Variants in FMNL2 observed in about 807,000 individuals in gnomAD.
The protein encoded by FMNL2 is formin like 2.
FMNL2 carries 51 observed loss-of-function variants against 130.2 expected under a neutral mutation model. That is an observed-to-expected ratio of 0.39 (90% CI 0.31 to 0.49). The LOEUF is 0.49. Ranked by LOEUF, FMNL2 falls within the 20% of genes least tolerant of loss-of-function variation. FMNL2 has a pLI of 0.85. For synonymous variants in FMNL2, 465 were observed against 467.1 expected (o/e 1.00, Z 0.06); for missense variants, 977 against 1,316.2 (o/e 0.74, Z 3.99).
At chr2:152,516,120 A>T (rs1226031611) in intron 1 of FMNL2, among the ~76,000 whole-genome samples, 2 of 152,050 alleles carry the variant, frequency 1.3e-5, no homozygotes, top group African/African-American at 4.8e-5. Context: ...CCTTTTTTGT[A>T]GCGACAAGTA....
intron 1 of FMNL2, among the ~76,000 whole-genome samples, chr2:152,479,906 G>A (rs1203454600): frequency 2.6e-5 from 4 of 151,932 alleles, no homozygotes; most frequent in African/African-American, 9.7e-5. Flanking sequence ...GGTAGAGATG[G>A]GGTTTTTTGG....
intron 1 of FMNL2, among the ~76,000 whole-genome samples, chr2:152,499,117 C>G (rs759253822): frequency 9.2e-5 from 14 of 152,154 alleles, no homozygotes; most frequent in Non-Finnish European, 1.9e-4. Flanking sequence ...GGAGCTTGGT[C>G]AGCTATGTTT....
intron 4 of FMNL2, among the ~76,000 whole-genome samples, chr2:152,556,315 G>A (rs2105570267): frequency 6.6e-6 from 1 of 152,274 alleles, no homozygotes; most frequent in South Asian, 2.1e-4. Flanking sequence ...TCAAATCCCA[G>A]GGAGGATCTT....
chr2:152,389,872 G>C (rs555799126), intron 1 of FMNL2: 2 of 1,023,708 alleles, frequency 2.0e-6, no homozygotes, highest in East Asian at 2.5e-5. Context: ...CAATCAGCTG[G>C]CACAGAAGGC....
At chr2:152,643,671 T>G in intron 25 of FMNL2, 3 of 1,438,776 alleles carry the variant, frequency 2.1e-6, no homozygotes, top group Non-Finnish European at 2.7e-6. Context: ...TGCATGGTTT[T>G]GCATTTCAAT....
At chr2:152,346,389 T>A (rs925884332) in intron 1 of FMNL2, among the ~76,000 whole-genome samples, 6 of 152,144 alleles carry the variant, frequency 3.9e-5, no homozygotes, top group Non-Finnish European at 7.3e-5. Flanking sequence ...CTCACATCTG[T>A]AATTCCAGTG....
chr2:152,620,969 A>G (rs1412394952), intron 15 of FMNL2: 1 of 985,274 alleles, frequency 1.0e-6, no homozygotes, highest in East Asian at 1.1e-4. Flanking sequence ...TAGAACTTTT[A>G]TTACTTCTGA....
At chr2:152,646,664 A>G (rs1683601720) in intron 25 of FMNL2, among the ~76,000 whole-genome samples, 1 of 152,194 alleles carries the variant, frequency 6.6e-6, no homozygotes, top group South Asian at 2.1e-4. Flanking sequence ...TGTTGAGTAG[A>G]TAAAGGGATA....
At chr2:152,611,634 A>G (rs992098628) in intron 11 of FMNL2, 29 bp downstream of exon 11, 6 of 1,413,018 alleles carry the variant, frequency 4.2e-6, no homozygotes, top group Admixed American at 1.9e-5. Flanking sequence ...TTTGGCTCCA[A>G]TATAAGAATT....
intron 1 of FMNL2, among the ~76,000 whole-genome samples, chr2:152,352,046 T>C (rs1464678399): frequency 6.6e-6 from 1 of 152,228 alleles, no homozygotes; most frequent in Non-Finnish European, 1.5e-5. Flanking sequence ...AAGTGGGCAA[T>C]TCTGACTTAG....
At chr2:152,402,162 A>T (rs1162757334) in intron 1 of FMNL2, among the ~76,000 whole-genome samples, 3 of 152,118 alleles carry the variant, frequency 2.0e-5, no homozygotes, top group African/African-American at 7.2e-5. Context: ...TTGGCCTCCC[A>T]AAGTGCTGAG....
At chr2:152,543,009 A>G (rs1694398814) in intron 3 of FMNL2, among the ~76,000 whole-genome samples, 190 bp downstream of exon 3, 1 of 152,250 alleles carries the variant, frequency 6.6e-6, no homozygotes, top group Non-Finnish European at 1.5e-5. Flanking sequence ...GAAGATGTGT[A>G]TAAAAGTTCT....
At chr2:152,482,180 C>T (rs1214352138) in intron 1 of FMNL2, among the ~76,000 whole-genome samples, 5 of 152,054 alleles carry the variant, frequency 3.3e-5, no homozygotes, top group African/African-American at 1.2e-4. Context: ...CCAAGTTTTC[C>T]AAGGAAGAAA....
intron 7 of FMNL2, among the ~76,000 whole-genome samples, chr2:152,577,838 G>A (rs957005987): frequency 2.0e-5 from 3 of 152,126 alleles, no homozygotes; most frequent in African/African-American, 7.2e-5. Flanking sequence ...CAGGAAGTGA[G>A]GATTTATACT....
intron 1 of FMNL2, among the ~76,000 whole-genome samples, chr2:152,344,371 C>G (rs1166911431): frequency 2.0e-5 from 3 of 151,988 alleles, no homozygotes; most frequent in Non-Finnish European, 4.4e-5. Flanking sequence ...GAGTTAAAAC[C>G]AGCAGAAAAC....
At chr2:152,481,939 T>G (rs1467074802) in intron 1 of FMNL2, among the ~76,000 whole-genome samples, 1 of 152,218 alleles carries the variant, frequency 6.6e-6, no homozygotes, top group Non-Finnish European at 1.5e-5. Context: ...AAGTTGCCTC[T>G]TAAATCACAC....
chr2:152,468,773 G>A (rs796191094), intron 1 of FMNL2, among the ~76,000 whole-genome samples: 1 of 152,156 alleles, frequency 6.6e-6, no homozygotes, highest in African/African-American at 2.4e-5. Context: ...GAGCATAGAT[G>A]TGAATACTCC....
Position 152,583,723 on chromosome 2 carries a change from G to A in FMNL2, c.876+2674G>A, listed in dbSNP as rs545451538. 5.3e-5 allele frequency among the ~76,000 whole-genome samples: 8 copies of A among 152,332 alleles called. No homozygotes were observed. The East Asian group carries it at 1.5e-3, about 29-fold the overall frequency. ...TCCAGCACCATGTTGGACCCAGTTT[G>A]TCTTTGCCAGCTTGGCCCACACCCT... On this transcript the variant is annotated intron_variant, in intron 9 of 25. Coordinates refer to ENST00000288670, the MANE Select transcript of FMNL2 (RefSeq NM_052905.4).
At chr2:152,395,174 C>A (rs1040529552) in intron 1 of FMNL2, among the ~76,000 whole-genome samples, 2 of 152,192 alleles carry the variant, frequency 1.3e-5, no homozygotes, top group Admixed American at 1.3e-4. Context: ...AGAAGTCCTG[C>A]TCCGGTCAGC....
Sources: gnomAD v4.1 joint callset for allele counts (sites outside exome capture counted in the v4.1 genomes callset) on GRCh38, gnomAD v4.1.1 for gene constraint, MANE v1.5 for transcripts, NCBI Gene and HGNC (gene_info 2026-07-23, HGNC 2026-07-21) for gene names.